DCC: variants seen among roughly 807,000 people sequenced by gnomAD.
DCC encodes the protein netrin receptor DCC.
DCC carries 58 observed loss-of-function variants against 172.5 expected under a neutral mutation model. The ratio of observed to expected loss-of-function variants is 0.34; its 90% CI spans 0.27 to 0.42. DCC has a LOEUF of 0.42. DCC is among the 10% of genes least tolerant of loss of function. DCC has a pLI of 1.00. For synonymous variants in DCC, 709 were observed against 644.5 expected (o/e 1.10, Z -1.52); for missense variants, 1,740 against 1,791.0 (o/e 0.97, Z 0.51).
intron 1 of DCC, among the ~76,000 whole-genome samples, chr18:52,365,756 TC>T (rs929655025): frequency 6.6e-6 from 1 of 152,146 alleles, no homozygotes; most frequent in African/African-American, 2.4e-5. Flanking sequence ...CTGTAAAGGG[TC>T]AGATAGTTAA....
At chr18:52,932,395 A>G (rs908362195) in intron 5 of DCC, among the ~76,000 whole-genome samples, 1 of 152,158 alleles carries the variant, frequency 6.6e-6, no homozygotes, top group Non-Finnish European at 1.5e-5. Flanking sequence ...GAATCAGTGC[A>G]GAAATGCATA....
intron 1 of DCC, among the ~76,000 whole-genome samples, chr18:52,659,776 A>T (rs1455935442): frequency 6.6e-6 from 1 of 152,148 alleles, no homozygotes; most frequent in East Asian, 1.9e-4. Flanking sequence ...TAAAAAATTA[A>T]AGTGGGATGG....
chr18:53,036,892 A>T (rs1337807117), intron 5 of DCC, among the ~76,000 whole-genome samples: 1 of 151,984 alleles, frequency 6.6e-6, no homozygotes, highest in African/African-American at 2.4e-5. Flanking sequence ...GTACAATTGA[A>T]TCCTTCAGCC....
intron 8 of DCC, among the ~76,000 whole-genome samples, chr18:53,172,714 T>C (rs1048938360): frequency 1.3e-5 from 2 of 152,108 alleles, no homozygotes; most frequent in Non-Finnish European, 2.9e-5. Flanking sequence ...GATAGACAAA[T>C]TGATCCTCTC....
intron 27 of DCC, among the ~76,000 whole-genome samples, chr18:53,506,845 A>AAGAG (rs1448598735): frequency 7.4e-6 from 1 of 134,842 alleles, no homozygotes; most frequent in African/African-American, 2.8e-5. Context: ...GTGACAGAGC[A>AAGAG]AGAGACTCCA....
chr18:53,491,276 A>C (rs2045956611), intron 26 of DCC, among the ~76,000 whole-genome samples: 1 of 152,214 alleles, frequency 6.6e-6, no homozygotes, highest in South Asian at 2.1e-4. Flanking sequence ...AATTCATGTG[A>C]AATATGAAAG....
At chr18:52,346,106 C>T (rs536571176) in intron 1 of DCC, among the ~76,000 whole-genome samples, 1 of 152,054 alleles carries the variant, frequency 6.6e-6, no homozygotes, top group Non-Finnish European at 1.5e-5. Context: ...TATTGTTCTT[C>T]AAAACAAGAT....
At chr18:53,059,161 T>C (rs372253581) in intron 5 of DCC, among the ~76,000 whole-genome samples, 1 of 152,106 alleles carries the variant, frequency 6.6e-6, no homozygotes, top group East Asian at 1.9e-4. Context: ...CTCACTATCA[T>C]GAGAACAGCA....
chr18:52,492,956 G>C (rs1003088563), intron 1 of DCC, among the ~76,000 whole-genome samples: 3 of 152,114 alleles, frequency 2.0e-5, no homozygotes, highest in Non-Finnish European at 4.4e-5. Context: ...GGCATGTTGA[G>C]ATAAAGTTGA....
At chr18:52,886,325 T>C (rs1178901874) in intron 2 of DCC, among the ~76,000 whole-genome samples, 1 of 152,152 alleles carries the variant, frequency 6.6e-6, no homozygotes, top group Non-Finnish European at 1.5e-5. Flanking sequence ...GCCAAGAAAC[T>C]TGAGCTCTGA....
In DCC at chr18:53,450,651, C is replaced by G; in HGVS notation, c.3381C>G (p.Ala1127=). The change falls in exon 23 of 29, where the codon GCC becomes GCG. Residue 1127 remains alanine, a synonymous_variant. Coordinates refer to ENST00000442544, the MANE Select transcript of DCC (RefSeq NM_005215.4). ...VAVICTRRSS[A]QQRKKRATHS... ...TGATTTGCACCCGACGCTCTTCAGC[C>G]CAGCAGAGAAAGTAGGTAACAGCTG... 1 of 1,613,420 alleles carries G rather than the reference C, an allele frequency of 6.2e-7. No individual in the cohort carries two copies.
intron 22 of DCC, among the ~76,000 whole-genome samples, chr18:53,442,114 A>G (rs1476213755): frequency 6.6e-6 from 1 of 152,138 alleles, no homozygotes; most frequent in Non-Finnish European, 1.5e-5. Flanking sequence ...CTCTACATGA[A>G]TCTTTCTACT....
chr18:53,052,042 C>T (rs1313586292), intron 5 of DCC, among the ~76,000 whole-genome samples: 1 of 151,838 alleles, frequency 6.6e-6, no homozygotes, highest in African/African-American at 2.4e-5. Context: ...AATTCCTTCA[C>T]CCTTCTCATT....
chr18:52,461,024 T>G (rs1165442497), intron 1 of DCC, among the ~76,000 whole-genome samples: 1 of 152,246 alleles, frequency 6.6e-6, no homozygotes, highest in East Asian at 1.9e-4. Flanking sequence ...CTTTATAAAC[T>G]TTTAATTTTT....
At chr18:52,973,301 GTT>G (rs1598987017) in intron 5 of DCC, among the ~76,000 whole-genome samples, 1 of 151,988 alleles carries the variant, frequency 6.6e-6, no homozygotes, top group African/African-American at 2.4e-5. Context: ...AAATGATAAA[GTT>G]TTTTTAACTT....
chr18:52,784,677 T>C (rs139149384), intron 2 of DCC, among the ~76,000 whole-genome samples: 1 of 152,138 alleles, frequency 6.6e-6, no homozygotes, highest in Non-Finnish European at 1.5e-5. Flanking sequence ...ATATTGAAAA[T>C]TTTTTAAATA....
chr18:52,913,697 G>A (rs12968712), intron 3 of DCC, among the ~76,000 whole-genome samples: 62,345 of 151,816 alleles, frequency 0.41, 13,514 homozygotes, highest in South Asian at 0.65. Flanking sequence ...AGAGTCTCAT[G>A]AGGCCAAAAT....
In DCC at chr18:52,774,388, G is replaced by A. The variant is rs2037392803; in HGVS notation, c.412+22014G>A. Among the ~76,000 whole-genome samples the A allele has an allele frequency of 2.0e-5, 3 of 152,172 alleles. No individual in the cohort carries two copies. The South Asian group carries it at 6.2e-4, about 32-fold the overall frequency. On this transcript the variant is annotated intron_variant, in intron 2 of 28. Coordinates refer to ENST00000442544, the MANE Select transcript of DCC (RefSeq NM_005215.4). ...GAAAAAACCCCAAGGTAGGAGTGAG[G>A]GAGAAAGGGCAGAATGAGGAAGTGG...
At chr18:53,448,356 G>A (rs1016042788) in intron 22 of DCC, among the ~76,000 whole-genome samples, 1 of 152,144 alleles carries the variant, frequency 6.6e-6, no homozygotes, top group Non-Finnish European at 1.5e-5. Context: ...CATGGAGAAG[G>A]ACAGCAAGGA....
Sources: allele counts gnomAD v4.1 joint callset (sites outside exome capture counted in the v4.1 genomes callset), GRCh38; gene constraint gnomAD v4.1.1; transcripts MANE v1.5; gene names NCBI Gene and HGNC (gene_info 2026-07-23, HGNC 2026-07-21).